FHIT: variants seen among roughly 807,000 people sequenced by gnomAD.
The protein encoded by FHIT is fragile histidine triad diadenosine triphosphatase, also known as bis(5'-adenosyl)-triphosphatase.
A neutral mutation model predicts 17.9 loss-of-function variants in FHIT; 19 were observed. The observed-to-expected ratio is 1.06, with a 90% CI of 0.74 to 1.56. The LOEUF is 1.56. Ranked by LOEUF, FHIT falls within the 40% of genes most tolerant of loss-of-function variation. The pLI is 0.00. For missense variants in FHIT, 248 were observed against 189.2 expected (o/e 1.31, Z -1.82); for synonymous variants, 81 against 69.7 (o/e 1.16, Z -0.81).
intron 5 of FHIT, among the ~76,000 whole-genome samples, chr3:60,040,624 T>C (rs1335492623): frequency 6.6e-6 from 1 of 152,106 alleles, no homozygotes; most frequent in African/African-American, 2.4e-5. Flanking sequence ...ATCTGTGAAA[T>C]TGGTTCGGAG....
chr3:60,732,555 C>T (rs2042051503), intron 4 of FHIT: 9 of 636,266 alleles, frequency 1.4e-5, no homozygotes, highest in Non-Finnish European at 1.8e-5. Flanking sequence ...TTTGGAACCT[C>T]GTCTGCAAAC....
chr3:60,569,755 A>ATATATATATATATTT lies in FHIT; in HGVS notation c.-17-32777_-17-32776insAAATATATATATATA. 2.8e-3 allele frequency among the ~76,000 whole-genome samples: 215 copies of ATATATATATATATTT among 77,336 alleles called. 6 individuals are homozygous for ATATATATATATATTT. The highest frequency in any genetic ancestry group is 0.016 in the East Asian group (31 of 1,888). 50.7% of individuals were successfully genotyped at this position (77,336 alleles called of 152,430 possible). A position where few individuals can be genotyped will look rare whatever the true frequency, so the allele number is the denominator to read the frequency against. On this transcript the variant is annotated intron_variant, in intron 4 of 9. Coordinates refer to ENST00000492590, the MANE Select transcript of FHIT (RefSeq NM_002012.4). ...TATATATATATATATATATATATAT[A>ATATATATATATATTT]TTTTTTTTTTTTTTAGACAGAGTTT...
rs75754906 is a variant in FHIT, at chr3:59,993,304, T to C, written c.279+18067A>G. On this transcript the variant is annotated intron_variant, in intron 7 of 9. Transcript: ENST00000492590. ...GAGGTACTGAGTCTCACACACCTTCTTCACCTGGAGCTTGTAACAACATCC... is the reference window on the plus strand; with the variant it reads ...GAGGTACTGAGTCTCACACACCTTCCTCACCTGGAGCTTGTAACAACATCC... 3.5e-3 allele frequency among the ~76,000 whole-genome samples: 527 copies of C among 152,200 alleles called. 6 individuals carry two copies. Among genetic ancestry groups the C allele is most frequent in the African/African-American group, 0.012 (502 of 41,526 alleles).
chr3:61,127,646 C>T (rs1426019561), intron 2 of FHIT, among the ~76,000 whole-genome samples: 1 of 152,054 alleles, frequency 6.6e-6, no homozygotes. Context: ...GGGTAGATCA[C>T]CTGAGGTCAG....
intron 5 of FHIT, among the ~76,000 whole-genome samples, chr3:60,317,353 A>T (rs1709209301): frequency 6.6e-6 from 1 of 151,840 alleles, no homozygotes; most frequent in Admixed American, 6.6e-5. Flanking sequence ...TTGATAAATG[A>T]AAAAAGCAGT....
intron 4 of FHIT, among the ~76,000 whole-genome samples, chr3:60,706,130 A>T (rs534772170): frequency 1.3e-5 from 2 of 152,160 alleles, no homozygotes; most frequent in Admixed American, 1.3e-4. Flanking sequence ...ATTCTCAGGA[A>T]ACTAACACAG....
At chr3:60,983,578 G>A (rs1199425890) in intron 3 of FHIT, among the ~76,000 whole-genome samples, 4 of 152,176 alleles carry the variant, frequency 2.6e-5, no homozygotes, top group African/African-American at 4.8e-5. Flanking sequence ...AGCAGTCACT[G>A]TAACAGCCTT....
Position 59,778,237 on chromosome 3 carries a change from C to A in FHIT, c.349-25916G>T, listed in dbSNP as rs376406408. The stretch of plus-strand genomic sequence containing the variant: ...CTAATGGAGGAGGTAAGATTGAAGA[C>A]AGATGATAAAGCTGGGACTTCAATC... On this transcript the variant is annotated intron_variant, in intron 8 of 9. Coordinates refer to ENST00000492590, the MANE Select transcript of FHIT (RefSeq NM_002012.4). Among the ~76,000 whole-genome samples, 48 of 152,272 alleles carry A rather than the reference C, an allele frequency of 3.2e-4. No individual in the cohort carries two copies. The South Asian group carries it at 8.7e-3, about 28-fold the overall frequency.
chr3:60,244,110 T>C (rs1705270680), intron 5 of FHIT, among the ~76,000 whole-genome samples: 1 of 152,066 alleles, frequency 6.6e-6, no homozygotes, highest in African/African-American at 2.4e-5. Flanking sequence ...AAAAGTGGCT[T>C]TTCTGATCAC....
At chr3:60,427,138 A>C (rs1470516373) in intron 5 of FHIT, among the ~76,000 whole-genome samples, 3 of 152,074 alleles carry the variant, frequency 2.0e-5, no homozygotes, top group African/African-American at 7.2e-5. Flanking sequence ...AAATAATTCA[A>C]AGCCTAAAAG....
intron 5 of FHIT, among the ~76,000 whole-genome samples, chr3:60,257,630 G>C (rs1706067895): frequency 1.3e-5 from 2 of 152,172 alleles, no homozygotes; most frequent in South Asian, 2.1e-4. Context: ...GCAGGAGGAG[G>C]ACAAGGAAGG....
intron 4 of FHIT, among the ~76,000 whole-genome samples, chr3:60,590,181 C>G (rs1423296993): frequency 6.6e-6 from 1 of 151,942 alleles, no homozygotes; most frequent in Non-Finnish European, 1.5e-5. Context: ...TTTTCTTGCT[C>G]AAGTCTGCAA....
At chr3:60,391,995 A>G (rs998177034) in intron 5 of FHIT, among the ~76,000 whole-genome samples, 1 of 151,964 alleles carries the variant, frequency 6.6e-6, no homozygotes, top group African/African-American at 2.4e-5. Flanking sequence ...GAAACAAGAT[A>G]TCATTTATGA....
chr3:61,188,391 G>A (rs959156945), intron 2 of FHIT, among the ~76,000 whole-genome samples: 5 of 152,148 alleles, frequency 3.3e-5, no homozygotes, highest in African/African-American at 9.7e-5. Context: ...GAAAGAAGTT[G>A]AATCTCTGAA....
chr3:60,192,318 T>A (rs1702438543), intron 5 of FHIT, among the ~76,000 whole-genome samples: 1 of 150,292 alleles, frequency 6.7e-6, no homozygotes, highest in South Asian at 2.1e-4. Flanking sequence ...AAAGGTAAAC[T>A]GAGGGCTGCT....
At chr3:60,860,141 ACATATGG>A (rs1161170943) in intron 3 of FHIT, among the ~76,000 whole-genome samples, 984 of 74,722 alleles carry the variant, frequency 0.013, 148 homozygotes, top group African/African-American at 0.035. Context: ...TGATATATAT[ACATATGG>A]TATATATGAT....
chr3:61,250,317 G>A lies in FHIT; in HGVS notation c.-213+984C>T, dbSNP rs573882279. ...TCCGGCTTAACATCAGGTGCGAGTA[G>A]GGACCACCCTTGGTAGTCTGGGCCC... is the stretch of plus-strand genomic sequence containing the variant. On this transcript the variant is annotated intron_variant, in intron 1 of 9. Transcript: ENST00000492590. 1.9e-3 allele frequency among the ~76,000 whole-genome samples: 293 copies of A among 152,326 alleles called. 2 individuals are homozygous for A. Among genetic ancestry groups the A allele is most frequent in the African/African-American group, 6.6e-3 (276 of 41,554 alleles).
At chr3:60,139,486 C>G (rs776863533) in intron 5 of FHIT, among the ~76,000 whole-genome samples, 10 of 152,100 alleles carry the variant, frequency 6.6e-5, no homozygotes, top group Non-Finnish European at 1.5e-4. Flanking sequence ...AGTCTATCAC[C>G]CCAGCTTAGA....
At chr3:61,127,381 A>G (rs1036032024) in intron 2 of FHIT, among the ~76,000 whole-genome samples, 3 of 152,250 alleles carry the variant, frequency 2.0e-5, no homozygotes, top group African/African-American at 7.2e-5. Context: ...AAAGATCGAT[A>G]CAGGTGAGAT....
Sources: allele counts gnomAD v4.1 joint callset (sites outside exome capture counted in the v4.1 genomes callset), GRCh38; gene constraint gnomAD v4.1.1; transcripts MANE v1.5; gene names NCBI Gene and HGNC (gene_info 2026-07-23, HGNC 2026-07-21).